Variants in ZNF678 observed in about 807,000 individuals in gnomAD.
ZNF678 encodes hypothetical protein MGC42493.
Under a neutral mutation model 3.0 loss-of-function variants are expected in ZNF678, and 5 were observed. The ratio of observed to expected loss-of-function variants is 1.69; its 90% CI spans 0.88 to 3.56. ZNF678 has a LOEUF of 3.56. Among genes scored for constraint, ZNF678 ranks in the 30% most tolerant of loss-of-function variants. The probability of loss-of-function intolerance (pLI) is 0.00; values close to 1 mark genes in which losing one functional copy is unlikely to be tolerated. For synonymous variants in ZNF678, 218 were observed against 199.6 expected, an observed-to-expected ratio of 1.09 and a Z score of -0.78; for missense variants, 593 against 605.0, an observed-to-expected ratio of 0.98 and a Z score of 0.21.
chr1:227,624,143 C>T (rs556225697), intron 1 of ZNF678, among the ~76,000 whole-genome samples: 76 of 152,256 alleles, frequency 5.0e-4, no homozygotes, highest in South Asian at 1.5e-3. Flanking sequence ...TTGGACAATG[C>T]TCTTTCTACA....
rs182332217 is a variant in ZNF678, at chr1:227,575,037, G to A, written c.-164+11313G>A. Among the ~76,000 whole-genome samples, 12 of 152,212 alleles carry A rather than the reference G, an allele frequency of 7.9e-5. No homozygotes were observed. In the East Asian group the frequency reaches 2.3e-3, roughly 29 times the overall value. On this transcript the variant is annotated intron_variant, in intron 1 of 3. Coordinates refer to ENST00000343776, the MANE Select transcript of ZNF678 (RefSeq NM_001367909.1). ...GCTTATTTTTATCAGGTTTGTCGAA[G>A]ATCAAATAGTTGTATAGTTGTAGGT...
Position 227,655,764 on chromosome 1 carries a change from G to C in ZNF678, c.1514G>C (p.Ser505Thr), listed in dbSNP as rs373521097. 407 of 1,609,316 alleles carry C rather than the reference G, an allele frequency of 2.5e-4. 3 individuals are homozygous for C. Among genetic ancestry groups the C allele is most frequent in the Non-Finnish European group, 3.2e-4 (379 of 1,177,970 alleles). The change falls in exon 4 of 4, where the codon AGT becomes ACT. Residue 505 changes from serine (S) to threonine (T), a missense_variant. Ser to Thr is a moderately conservative substitution (Grantham distance 58). Coordinates refer to ENST00000343776, the MANE Select transcript of ZNF678 (RefSeq NM_001367909.1). Reference sequence around the variant, plus strand: ...GGTTTTTACCAATCCTCAATCCATAGTAAGTATAAGAGAATTTATACTGGA... The same window carrying C: ...GGTTTTTACCAATCCTCAATCCATACTAAGTATAAGAGAATTTATACTGGA... ...GKGFYQSSIH[S>T]KYKRIYTGEE...
At chr1:227,637,429 G>T (rs189714915) in intron 1 of ZNF678, among the ~76,000 whole-genome samples, 120 of 152,308 alleles carry the variant, frequency 7.9e-4, no homozygotes, top group African/African-American at 2.7e-3. Context: ...GCTTTCAAGG[G>T]TGAGGACAGC....
At chr1:227,654,227 A>G (rs955006570) in intron 3 of ZNF678, 109 bp from the exon 4 acceptor site, 29 of 868,560 alleles carry the variant, frequency 3.3e-5, no homozygotes, top group Non-Finnish European at 9.7e-6. Flanking sequence ...GTGATATTTT[A>G]TTATGCCATC....
At chr1:227,609,161 G>T (rs577745407) in intron 1 of ZNF678, among the ~76,000 whole-genome samples, 1 of 151,574 alleles carries the variant, frequency 6.6e-6, no homozygotes, top group South Asian at 2.1e-4. Context: ...ACTTGGAAAA[G>T]AACTAAACCA....
At chr1:227,608,396 A>G (rs1657931318) in intron 1 of ZNF678, among the ~76,000 whole-genome samples, 1 of 152,166 alleles carries the variant, frequency 6.6e-6, no homozygotes, top group Non-Finnish European at 1.5e-5. Context: ...TATTCAGTAA[A>G]GTAGAGAATG....
At chr1:227,669,120 GTAAA>G (rs1269804563) in intron 5 of ZNF678, among the ~76,000 whole-genome samples, 1 of 149,068 alleles carries the variant, frequency 6.7e-6, no homozygotes, top group Non-Finnish European at 1.5e-5. Flanking sequence ...CACTAACAGA[GTAAA>G]CAAACAACCT....
At chr1:227,628,091 G>A (rs992984995) in intron 1 of ZNF678, among the ~76,000 whole-genome samples, 16 of 152,150 alleles carry the variant, frequency 1.1e-4, no homozygotes, top group East Asian at 9.6e-4. Flanking sequence ...TGAGTATGCC[G>A]TTCACATCAT....
intron 1 of ZNF678, among the ~76,000 whole-genome samples, chr1:227,635,515 T>TGTGTG (rs1658652959): frequency 7.8e-6 from 1 of 127,936 alleles, no homozygotes; most frequent in Non-Finnish European, 1.6e-5. Context: ...GGGTGAACAT[T>TGTGTG]TGTGTGTGTG....
In ZNF678 at chr1:227,608,933, C is replaced by T. The variant is rs1657946422; in HGVS notation, c.-163-37611C>T. Reference sequence around the variant, plus strand: ...CAGGTAAATTTGAATAAAACAAAGACACGTAAAAACTGGACTCTTGACAAG... The same window carrying T: ...CAGGTAAATTTGAATAAAACAAAGATACGTAAAAACTGGACTCTTGACAAG... On this transcript the variant is annotated intron_variant, in intron 1 of 3. Coordinates refer to ENST00000343776, the MANE Select transcript of ZNF678 (RefSeq NM_001367909.1). 1.3e-5 allele frequency among the ~76,000 whole-genome samples: 2 copies of T among 152,164 alleles called. 1 individual carries two copies. Among genetic ancestry groups the T allele is most frequent in the South Asian group, 4.1e-4 (2 of 4,822 alleles).
At chr1:227,602,988 CATA>C (rs1657773139) in intron 1 of ZNF678, among the ~76,000 whole-genome samples, 2 of 152,206 alleles carry the variant, frequency 1.3e-5, no homozygotes, top group Non-Finnish European at 2.9e-5. Context: ...GCCTGGGCAA[CATA>C]CCAAGATCTC....
intron 3 of ZNF678, 35 bp downstream of exon 3, chr1:227,651,111 T>A: frequency 6.3e-7 from 1 of 1,593,810 alleles, no homozygotes; most frequent in Non-Finnish European, 8.6e-7. Context: ...TCCAGGCTGA[T>A]GAGATCTTTT....
At chr1:227,666,314 G>T (rs1367574408), downstream of ZNF678, among the ~76,000 whole-genome samples, 1 of 152,104 alleles carries the variant, frequency 6.6e-6, no homozygotes, top group Admixed American at 6.5e-5. Flanking sequence ...TCAAATCACT[G>T]ACAGTATTAT....
intron 1 of ZNF678, among the ~76,000 whole-genome samples, chr1:227,605,271 C>A (rs535699211): frequency 6.6e-6 from 1 of 152,130 alleles, no homozygotes; most frequent in Non-Finnish European, 1.5e-5. Context: ...TACAGAAATA[C>A]AGTTAATATT....
At chr1:227,604,917 G>A (rs952364117) in intron 1 of ZNF678, among the ~76,000 whole-genome samples, 1 of 151,952 alleles carries the variant, frequency 6.6e-6, no homozygotes, top group South Asian at 2.1e-4. Flanking sequence ...GTGCAGTGGT[G>A]CAATCTCCGC....
chr1:227,590,367 A>T (rs1008547219), intron 1 of ZNF678, among the ~76,000 whole-genome samples: 5 of 151,664 alleles, frequency 3.3e-5, no homozygotes, highest in African/African-American at 1.2e-4. Flanking sequence ...GTTTATTTTG[A>T]TAGATAACAT....
chr1:227,621,526 C>G (rs1015151282), intron 1 of ZNF678, among the ~76,000 whole-genome samples: 6 of 152,184 alleles, frequency 3.9e-5, no homozygotes, highest in African/African-American at 1.4e-4. Flanking sequence ...GGAAGCACAT[C>G]TCAGTATCTG....
Position 227,646,684 on chromosome 1 carries a change from C to T in ZNF678, c.-37+14C>T. On this transcript the variant is annotated intron_variant, in intron 2 of 3. Coordinates refer to ENST00000343776, the MANE Select transcript of ZNF678 (RefSeq NM_001367909.1). ...TGGTCTCCCTGGGTGAGGATAACTT[C>T]AATACACAATTTATGTATTTCATAC... The T allele has an allele frequency of 7.3e-7, 1 of 1,369,418 alleles. No homozygotes were observed. The highest frequency in any genetic ancestry group is 1.1e-5 in the South Asian group (1 of 88,272). 84.8% of individuals were successfully genotyped at this position (1,369,418 alleles called of 1,614,324 possible). A position where few individuals can be genotyped will look rare whatever the true frequency, so the allele number is the denominator to read the frequency against.
intron 1 of ZNF678, among the ~76,000 whole-genome samples, chr1:227,585,658 A>G (rs1261524960): frequency 2.6e-5 from 4 of 152,134 alleles, no homozygotes; most frequent in Admixed American, 2.0e-4. Flanking sequence ...CTTTAGTCCT[A>G]GCTACTCAGG....
Sources: gnomAD v4.1 joint callset for allele counts (sites outside exome capture counted in the v4.1 genomes callset) on GRCh38, gnomAD v4.1.1 for gene constraint, MANE v1.5 for transcripts, NCBI Gene and HGNC (gene_info 2026-07-23, HGNC 2026-07-21) for gene names.